Variants in NTRK3 observed in about 807,000 individuals in gnomAD.
NTRK3 encodes the protein neurotrophic receptor tyrosine kinase 3, also known as NT-3 growth factor receptor.
NTRK3 carries 24 observed loss-of-function variants against 91.7 expected under a neutral mutation model. The observed-to-expected ratio is 0.26, with a 90% CI of 0.19 to 0.37. The LOEUF (loss-of-function observed/expected upper bound fraction) is 0.37, where lower values mean the gene tolerates loss of function less well. Among genes scored for constraint, NTRK3 ranks in the 10% least tolerant of loss-of-function variants. NTRK3 has a pLI of 1.00. For synonymous variants in NTRK3, 483 were observed against 404.0 expected (o/e 1.20, Z -2.34); for missense variants, 880 against 1,068.9 (o/e 0.82, Z 2.46).
intron 5 of NTRK3, among the ~76,000 whole-genome samples, chr15:88,176,833 G>C (rs1214759631): frequency 6.6e-6 from 1 of 152,196 alleles, no homozygotes. Context: ...AGCTGAATGA[G>C]ATACTTGCAG....
At chr15:88,147,019 T>A (rs1431045865) in intron 6 of NTRK3, among the ~76,000 whole-genome samples, 1 of 152,142 alleles carries the variant, frequency 6.6e-6, no homozygotes, top group Non-Finnish European at 1.5e-5. Context: ...ATATTATGAA[T>A]GTGATTTATT....
exon 16 of NTRK3, chr15:87,933,067 G>A (rs373273419): frequency 6.2e-7 from 1 of 1,613,996 alleles, no homozygotes; most frequent in Non-Finnish European, 8.5e-7. Context: ...ATGATGAGGG[G>A]GTCCCCATCG....
At position 87,929,317 on chromosome 15, in the gene NTRK3, G is replaced by A. The variant is rs535399883; in HGVS notation, c.2007C>T (p.Tyr669=). 7 of 1,614,166 alleles carry A rather than the reference G, an allele frequency of 4.3e-6. No homozygotes were observed. In the South Asian group the frequency reaches 5.5e-5, roughly 13 times the overall value. The change falls in exon 17 of 19, where the codon TAC becomes TAT. Residue 669 remains tyrosine, a synonymous_variant. Coordinates refer to ENST00000394480, the Ensembl canonical transcript of NTRK3. ...GGTGCACAAAGTGCTGGGAGGCCAG[G>A]TACACCATACCCGAGGCGATCTGAC...
chr15:88,127,440 GT>G (rs1351598788), intron 11 of NTRK3, among the ~76,000 whole-genome samples: 1 of 152,050 alleles, frequency 6.6e-6, no homozygotes, highest in African/African-American at 2.4e-5. Context: ...TGGTGTTACA[GT>G]TCAAGCACAG....
intron 17 of NTRK3, among the ~76,000 whole-genome samples, chr15:87,899,105 G>A (rs1360765702): frequency 1.3e-5 from 2 of 152,312 alleles, no homozygotes; most frequent in East Asian, 3.9e-4. Context: ...AATGGTGTCA[G>A]TAGTGTTGTA....
intron 13 of NTRK3, among the ~76,000 whole-genome samples, chr15:88,045,873 C>T (rs991863122): frequency 6.6e-6 from 1 of 152,164 alleles, no homozygotes; most frequent in Non-Finnish European, 1.5e-5. Context: ...TTTATAAGGC[C>T]CTCAGTCAAA....
At chr15:88,083,517 C>T (rs760537339) in intron 13 of NTRK3, among the ~76,000 whole-genome samples, 3 of 152,134 alleles carry the variant, frequency 2.0e-5, no homozygotes, top group Non-Finnish European at 2.9e-5. Flanking sequence ...CCACCGCGCC[C>T]GGCCAGGAGT....
chr15:87,904,178 G>A (rs569060083), intron 17 of NTRK3, among the ~76,000 whole-genome samples: 63 of 148,500 alleles, frequency 4.2e-4, no homozygotes, highest in African/African-American at 1.5e-3. Flanking sequence ...TTGAGACGGA[G>A]TCTTGCCCTG....
intron 17 of NTRK3, among the ~76,000 whole-genome samples, chr15:87,897,226 G>A (rs2066180328): frequency 6.6e-6 from 1 of 152,128 alleles, no homozygotes; most frequent in Non-Finnish European, 1.5e-5. Context: ...AGCTGCATCT[G>A]CCAGGAGCAA....
At chr15:87,981,423 A>C in intron 14 of NTRK3, 1 of 1,612,304 alleles carries the variant, frequency 6.2e-7, no homozygotes, top group Non-Finnish European at 8.5e-7. Flanking sequence ...TGCAAAAAAC[A>C]TGGGAAAGTA....
rs2052392131 is a variant in NTRK3 at position 88,241,911 on chromosome 15, A to G, written c.248+13995T>C. Among the ~76,000 whole-genome samples the G allele has an allele frequency of 6.6e-6, 1 of 152,164 alleles. No homozygotes were observed. The highest frequency in any genetic ancestry group is 2.1e-4 in the South Asian group (1 of 4,820). On this transcript the variant is annotated intron_variant, in intron 3 of 18. Transcript: ENST00000394480. The surrounding 1 kb of genome is among the most constrained non-coding windows in gnomAD (Gnocchi z 4.3). ...CAGGAGAGTTGCTGCTCGGCTGCAC[A>G]CATCCTAGAACGACAATGGAGACCT... is the stretch of plus-strand genomic sequence containing the variant.
chr15:88,190,560 CT>C (rs1268180154), intron 3 of NTRK3, among the ~76,000 whole-genome samples: 1 of 152,182 alleles, frequency 6.6e-6, no homozygotes. Flanking sequence ...TTTTCTGGCT[CT>C]TTTTTTGATA....
intron 14 of NTRK3, among the ~76,000 whole-genome samples, chr15:87,974,804 G>C (rs1280451354): frequency 4.6e-5 from 7 of 152,178 alleles, no homozygotes; most frequent in Non-Finnish European, 7.3e-5. Context: ...TGTCCCAAAA[G>C]TTCCAGAAGG....
chr15:87,968,186 T>C (rs1431447813), intron 14 of NTRK3, among the ~76,000 whole-genome samples: 1 of 152,228 alleles, frequency 6.6e-6, no homozygotes, highest in African/African-American at 2.4e-5. Flanking sequence ...ATGGAATGTG[T>C]GTGTATACTT....
At chr15:87,995,117 A>G (rs536631861) in intron 14 of NTRK3, among the ~76,000 whole-genome samples, 8 of 152,220 alleles carry the variant, frequency 5.3e-5, no homozygotes, top group Non-Finnish European at 1.0e-4. Flanking sequence ...TAGGAGAACA[A>G]AAGTCCTGGA....
intron 14 of NTRK3, among the ~76,000 whole-genome samples, chr15:88,001,205 A>G (rs1017200888): frequency 6.6e-6 from 1 of 151,974 alleles, no homozygotes; most frequent in Non-Finnish European, 1.5e-5. Flanking sequence ...CTTTTTATTG[A>G]GTTGTAAGTG....
exon 19 of NTRK3, chr15:87,860,715 T>A: frequency 4.8e-6 from 1 of 209,856 alleles, no homozygotes. Context: ...TACTAAAACC[T>A]CAGTCACTTA....
intron 5 of NTRK3, among the ~76,000 whole-genome samples, chr15:88,154,054 A>T (rs1341095928): frequency 6.6e-6 from 1 of 151,424 alleles, no homozygotes; most frequent in African/African-American, 2.4e-5. Context: ...GAACTAATTA[A>T]GAATCTGCAA....
intron 13 of NTRK3, among the ~76,000 whole-genome samples, 172 bp from the exon 14 acceptor site, chr15:88,033,217 A>ATATATATATATATATATAT (rs2078753442): frequency 4.0e-5 from 2 of 49,700 alleles, no homozygotes; most frequent in African/African-American, 2.3e-4. Flanking sequence ...TATATATATA[A>ATATATATATATATATATAT]ATTCAGTTGT....
Sources: allele counts gnomAD v4.1 joint callset (sites outside exome capture counted in the v4.1 genomes callset), GRCh38; gene constraint gnomAD v4.1.1; non-coding constraint Gnocchi (gnomAD v3.1); transcripts MANE v1.5; gene names NCBI Gene and HGNC (gene_info 2026-07-23, HGNC 2026-07-21).